The following PLCB4 variants were observed in gnomAD, a reference collection of about 807,000 sequenced individuals.
PLCB4 encodes phospholipase C beta 4.
Under a neutral mutation model 178.8 loss-of-function variants are expected in PLCB4, and 77 were observed. The observed-to-expected ratio is 0.43, with a 90% CI of 0.36 to 0.52. The LOEUF is 0.52. Ranked by LOEUF, PLCB4 falls within the 20% of genes least tolerant of loss-of-function variation. PLCB4 has a pLI of 0.00. For synonymous variants in PLCB4, 496 were observed against 490.8 expected (o/e 1.01, Z -0.14); for missense variants, 1,024 against 1,453.4 (o/e 0.70, Z 4.80).
chr20:9,189,634 T>C (rs188848761), intron 2 of PLCB4, among the ~76,000 whole-genome samples: 11 of 152,342 alleles, frequency 7.2e-5, no homozygotes, highest in Admixed American at 5.9e-4. Context: ...TACCACAGAC[T>C]GGGCGATTTA....
intron 2 of PLCB4, among the ~76,000 whole-genome samples, chr20:9,125,440 A>T (rs6056413): frequency 0.87 from 131,887 of 152,112 alleles, 57,389 homozygotes; most frequent in East Asian, 1. Context: ...CCACATTTTT[A>T]AATTTCATTT....
chr20:9,264,371 T>C (rs1294172977), intron 3 of PLCB4, among the ~76,000 whole-genome samples: 1 of 152,238 alleles, frequency 6.6e-6, no homozygotes, highest in Non-Finnish European at 1.5e-5. Flanking sequence ...AGTAACCTGA[T>C]TGGAAAATCC....
chr20:9,079,912 A>G (rs774253189), intron 1 of PLCB4, among the ~76,000 whole-genome samples: 37 of 152,304 alleles, frequency 2.4e-4, no homozygotes, highest in South Asian at 4.1e-4. Flanking sequence ...TTATGTATTT[A>G]TCTGATTAAC....
chr20:9,224,124 A>G (rs918234009), intron 3 of PLCB4, among the ~76,000 whole-genome samples: 3 of 152,216 alleles, frequency 2.0e-5, no homozygotes, highest in South Asian at 2.1e-4. Context: ...TCTCAGAGAC[A>G]GGAGTGTTGA....
intron 3 of PLCB4, among the ~76,000 whole-genome samples, chr20:9,241,632 G>A (rs1453297572): frequency 1.3e-5 from 2 of 152,188 alleles, no homozygotes; most frequent in Non-Finnish European, 2.9e-5. Context: ...GAGGCTTTAA[G>A]CCAAGGGTAT....
At chr20:9,403,749 G>C (rs545211794) in intron 20 of PLCB4, among the ~76,000 whole-genome samples, 118 of 152,322 alleles carry the variant, frequency 7.7e-4, no homozygotes, top group African/African-American at 2.7e-3. Flanking sequence ...GTTCCAGTCT[G>C]TTTACACACC....
At chr20:9,143,552 G>C (rs922794022) in intron 2 of PLCB4, among the ~76,000 whole-genome samples, 10 of 152,120 alleles carry the variant, frequency 6.6e-5, no homozygotes, top group African/African-American at 2.4e-4. Flanking sequence ...TTAAAAAACG[G>C]TGGAGGGGAG....
chr20:9,472,929 A>G (rs1189803548), intron 37 of PLCB4, 82 bp downstream of exon 37: 3 of 727,814 alleles, frequency 4.1e-6, no homozygotes, highest in Non-Finnish European at 7.0e-6. Context: ...ATCTCTAGCT[A>G]ATTTGTTTAA....
At chr20:9,381,242 C>G (rs537169659) in intron 13 of PLCB4, among the ~76,000 whole-genome samples, 8 of 152,296 alleles carry the variant, frequency 5.3e-5, no homozygotes, top group Admixed American at 1.3e-4. Flanking sequence ...AAATCTAACA[C>G]TTCGCATTGG....
intron 2 of PLCB4, among the ~76,000 whole-genome samples, chr20:9,181,399 T>G (rs973995257): frequency 6.6e-6 from 1 of 152,078 alleles, no homozygotes; most frequent in Admixed American, 6.6e-5. Flanking sequence ...CAAGTCCTAA[T>G]TTTTTAGGTG....
chr20:9,441,956 C>G (rs1285980703), intron 30 of PLCB4, among the ~76,000 whole-genome samples: 1 of 151,958 alleles, frequency 6.6e-6, no homozygotes, highest in African/African-American at 2.4e-5. Flanking sequence ...TAAGAACACC[C>G]AGCTCCTAAC....
intron 2 of PLCB4, among the ~76,000 whole-genome samples, chr20:9,151,537 T>C (rs903866956): frequency 5.3e-5 from 8 of 152,266 alleles, no homozygotes; most frequent in South Asian, 2.1e-4. Flanking sequence ...GGTTTCCACT[T>C]TTGCTTCTTC....
chr20:9,317,088 A>G (rs1277760095), intron 4 of PLCB4, among the ~76,000 whole-genome samples: 5 of 152,190 alleles, frequency 3.3e-5, no homozygotes, highest in African/African-American at 9.6e-5. Context: ...TTGTAGCCCA[A>G]TAGCAGCCAT....
chr20:9,211,453 C>T (rs2093671922), intron 2 of PLCB4, among the ~76,000 whole-genome samples: 1 of 152,184 alleles, frequency 6.6e-6, no homozygotes, highest in Non-Finnish European at 1.5e-5. Context: ...CTGCCTCAGA[C>T]CTACAGTCAA....
intron 10 of PLCB4, 90 bp downstream of exon 10, chr20:9,371,385 A>T: frequency 3.0e-6 from 2 of 676,020 alleles, no homozygotes; most frequent in South Asian, 3.9e-5. Flanking sequence ...TATTAAACTG[A>T]TCTAAATTAG....
At chr20:9,152,719 C>T (rs2092711807) in intron 2 of PLCB4, among the ~76,000 whole-genome samples, 1 of 152,174 alleles carries the variant, frequency 6.6e-6, no homozygotes, top group Non-Finnish European at 1.5e-5. Flanking sequence ...CCTACTGGGG[C>T]ACTGCCTAGT....
At chr20:9,198,795 G>A (rs2093504754) in intron 2 of PLCB4, among the ~76,000 whole-genome samples, 1 of 152,184 alleles carries the variant, frequency 6.6e-6, no homozygotes, top group African/African-American at 2.4e-5. Context: ...ATGAGGAATA[G>A]AGGAGACAGT....
chr20:9,101,349 A>G (rs1216269486), intron 2 of PLCB4, among the ~76,000 whole-genome samples: 2 of 152,142 alleles, frequency 1.3e-5, no homozygotes, highest in Non-Finnish European at 2.9e-5. Flanking sequence ...GACAGGATCA[A>G]GTGAACCTGA....
intron 2 of PLCB4, among the ~76,000 whole-genome samples, chr20:9,182,358 T>C (rs1364560985): frequency 1.3e-5 from 2 of 152,176 alleles, no homozygotes; most frequent in Admixed American, 6.5e-5. Flanking sequence ...AAGTTGGCTG[T>C]GCTGGAAGCT....
Sources: allele counts gnomAD v4.1 joint callset (sites outside exome capture counted in the v4.1 genomes callset), GRCh38; gene constraint gnomAD v4.1.1; transcripts MANE v1.5; gene names NCBI Gene and HGNC (gene_info 2026-07-23, HGNC 2026-07-21).